DIS3L2: variants seen among roughly 807,000 people sequenced by gnomAD.
DIS3L2 encodes DIS3-like exonuclease 2.
Under a neutral mutation model 97.5 loss-of-function variants are expected in DIS3L2, and 34 were observed. The ratio of observed to expected loss-of-function variants is 0.35; its 90% CI spans 0.27 to 0.46. The LOEUF (loss-of-function observed/expected upper bound fraction) is 0.46, where lower values mean the gene tolerates loss of function less well. Ranked by LOEUF, DIS3L2 falls within the 20% of genes least tolerant of loss-of-function variation. The probability of loss-of-function intolerance (pLI) is 1.00; values close to 1 mark genes in which losing one functional copy is unlikely to be tolerated. For synonymous variants in DIS3L2, 435 were observed against 445.2 expected, an observed-to-expected ratio of 0.98 and a Z score of 0.29; for missense variants, 1,038 against 1,146.0, an observed-to-expected ratio of 0.91 and a Z score of 1.36.
intron 9 of DIS3L2, among the ~76,000 whole-genome samples, chr2:232,181,665 G>GTC (rs1448256690): frequency 6.6e-6 from 1 of 151,634 alleles, no homozygotes; most frequent in Non-Finnish European, 1.5e-5. Flanking sequence ...TTGAGACAAT[G>GTC]TCTCACTCTG....
At chr2:232,183,677 CCAGTACTTT>C (rs772893361) in intron 9 of DIS3L2, among the ~76,000 whole-genome samples, 1 of 152,206 alleles carries the variant, frequency 6.6e-6, no homozygotes, top group Non-Finnish European at 1.5e-5. Context: ...TTCTTGTTGA[CCAGTACTTT>C]AGCTCACTGT....
At chr2:232,160,476 A>T (rs1406316377) in intron 8 of DIS3L2, among the ~76,000 whole-genome samples, 1 of 152,216 alleles carries the variant, frequency 6.6e-6, no homozygotes, top group South Asian at 2.1e-4. Flanking sequence ...TGGGATGTAA[A>T]ATGGTGTCTC....
At chr2:231,977,944 CT>C (rs1168621236) in intron 1 of DIS3L2, among the ~76,000 whole-genome samples, 3 of 152,154 alleles carry the variant, frequency 2.0e-5, no homozygotes, top group Non-Finnish European at 4.4e-5. Context: ...ATCCATTGCC[CT>C]TTCTTGTATC....
At chr2:232,055,675 A>G (rs765162726) in intron 5 of DIS3L2, among the ~76,000 whole-genome samples, 7 of 152,220 alleles carry the variant, frequency 4.6e-5, no homozygotes, top group Admixed American at 1.3e-4. Flanking sequence ...AACCAAGACA[A>G]TTTTGAAGTA....
Position 232,005,170 on chromosome 2 carries a change from A to ATTTTTTTTTTTTTTTTTTTTTT in DIS3L2, c.-93-9644_-93-9643insTTTTTTTTTTTTTTTTTTTTTT, listed in dbSNP as rs55757645. Among the ~76,000 whole-genome samples, 6 of 126,562 alleles carry ATTTTTTTTTTTTTTTTTTTTTT rather than the reference A, an allele frequency of 4.7e-5. 1 individual carries two copies. The highest frequency in any genetic ancestry group is 9.6e-5 in the Non-Finnish European group (6 of 62,606). The allele number at this position is 126,562 out of a possible 152,430, so 83.0% of individuals were successfully genotyped here. A position where few individuals can be genotyped will look rare whatever the true frequency, so the allele number is the denominator to read the frequency against. ...TGTTAAATTCCTTTGAAGAATCTTG[A>ATTTTTTTTTTTTTTTTTTTTTT]TTTTTTTTTTTTTTTTTTTTTATTT... On this transcript the variant is annotated intron_variant, in intron 1 of 20. Coordinates refer to ENST00000325385, the MANE Select transcript of DIS3L2 (RefSeq NM_152383.5).
At chr2:232,143,390 A>G (rs1010459589) in intron 8 of DIS3L2, among the ~76,000 whole-genome samples, 1 of 152,196 alleles carries the variant, frequency 6.6e-6, no homozygotes, top group African/African-American at 2.4e-5. Flanking sequence ...AGCAGTATTC[A>G]TGGAGGAGCT....
intron 1 of DIS3L2, among the ~76,000 whole-genome samples, chr2:232,000,613 T>TTTCCTTTCCTTTCCTTTCC (rs1693853867): frequency 9.3e-6 from 1 of 107,316 alleles, no homozygotes; most frequent in African/African-American, 4.1e-5. Flanking sequence ...CTTTCCTTTC[T>TTTCCTTTCCTTTCCTTTCC]TTTCCTTTCC....
At chr2:232,190,610 A>G (rs982344385) in intron 9 of DIS3L2, among the ~76,000 whole-genome samples, 2 of 152,052 alleles carry the variant, frequency 1.3e-5, no homozygotes, top group African/African-American at 4.8e-5. Context: ...GGAAGGAAGG[A>G]AGGAAGAAAG....
chr2:232,091,710 T>C (rs1244541264), intron 6 of DIS3L2, among the ~76,000 whole-genome samples: 1 of 152,196 alleles, frequency 6.6e-6, no homozygotes, highest in Non-Finnish European at 1.5e-5. Context: ...TTCTAGTTTT[T>C]TGAGGAACTT....
intron 5 of DIS3L2, among the ~76,000 whole-genome samples, chr2:232,035,455 T>G (rs1480926630): frequency 6.6e-6 from 1 of 152,224 alleles, no homozygotes; most frequent in African/African-American, 2.4e-5. Flanking sequence ...TTTATCCAAT[T>G]TGCCAGCCTG....
At chr2:232,039,504 G>A (rs1333161183) in intron 5 of DIS3L2, among the ~76,000 whole-genome samples, 2 of 152,036 alleles carry the variant, frequency 1.3e-5, no homozygotes, top group African/African-American at 2.4e-5. Context: ...AGTTCTTTTC[G>A]TTGTAGTAGT....
chr2:232,172,820 T>C (rs1478195813), intron 9 of DIS3L2: 1 of 526,766 alleles, frequency 1.9e-6, no homozygotes, highest in Non-Finnish European at 3.9e-6. Context: ...TCATTGTAGG[T>C]GTGGGGTAGT....
intron 6 of DIS3L2, among the ~76,000 whole-genome samples, chr2:232,129,694 T>C (rs1698164648): frequency 6.6e-6 from 1 of 152,210 alleles, no homozygotes. Context: ...GAGTTTTTGC[T>C]AAAAGGCAGC....
At chr2:232,284,361 C>G (rs1694372450) in intron 13 of DIS3L2, among the ~76,000 whole-genome samples, 1 of 152,202 alleles carries the variant, frequency 6.6e-6, no homozygotes, top group Non-Finnish European at 1.5e-5. Context: ...CCTCCAGCTT[C>G]CCAGCTGTAA....
intron 6 of DIS3L2, among the ~76,000 whole-genome samples, chr2:232,121,197 G>A: frequency 6.6e-6 from 1 of 151,998 alleles, no homozygotes. Flanking sequence ...GTCTCACTAG[G>A]GTCACCTGTG....
chr2:232,333,475 G>A (rs1027699398), intron 16 of DIS3L2, among the ~76,000 whole-genome samples: 8 of 152,168 alleles, frequency 5.3e-5, no homozygotes, highest in Admixed American at 2.0e-4. Flanking sequence ...GGCTCAGCTC[G>A]TGCCCCCTAC....
chr2:232,234,250 C>T (rs1308642206), intron 10 of DIS3L2, among the ~76,000 whole-genome samples: 5 of 152,220 alleles, frequency 3.3e-5, no homozygotes, highest in South Asian at 2.1e-4. Flanking sequence ...CTGTGCAAAA[C>T]GATATGCATA....
intron 1 of DIS3L2, among the ~76,000 whole-genome samples, chr2:232,006,759 G>T (rs902765751): frequency 1.3e-5 from 2 of 152,184 alleles, no homozygotes; most frequent in Admixed American, 1.3e-4. Context: ...CCTGTGAATT[G>T]TAGAGAGAGA....
chr2:232,022,650 G>T (rs1694549964), intron 3 of DIS3L2, among the ~76,000 whole-genome samples: 1 of 152,156 alleles, frequency 6.6e-6, no homozygotes, highest in Non-Finnish European at 1.5e-5. Flanking sequence ...TAATTTCAAT[G>T]AATTGACTTT....
Sources: allele counts gnomAD v4.1 joint callset (sites outside exome capture counted in the v4.1 genomes callset), GRCh38; gene constraint gnomAD v4.1.1; transcripts MANE v1.5; gene names NCBI Gene and HGNC (gene_info 2026-07-23, HGNC 2026-07-21).